Variants in GPER1 observed in about 807,000 individuals in gnomAD.
GPER1 encodes the protein G protein-coupled estrogen receptor 1, also known as G protein-coupled receptor 30.
A neutral mutation model predicts 0.6 loss-of-function variants in GPER1; 2 were observed. The ratio of observed to expected loss-of-function variants is 3.41; its 90% CI spans 1.39 to 10.72. The LOEUF is 10.72. GPER1 is among the 30% of genes most tolerant of loss of function. The pLI is 0.04. For synonymous variants in GPER1, 263 were observed against 247.6 expected, an observed-to-expected ratio of 1.06 and a Z score of -0.58; for missense variants, 441 against 535.2, an observed-to-expected ratio of 0.82 and a Z score of 1.74.
intron 1 of GPER1, 23 bp from the exon 2 acceptor site, chr7:1,091,384 A>G: frequency 8.5e-6 from 2 of 236,634 alleles, no homozygotes; most frequent in Non-Finnish European, 8.2e-6. Context: ...ATGAGACTTC[A>G]TCCTCTCCTG....
At chr7:1,089,189 C>T (rs990147311) in intron 1 of GPER1, among the ~76,000 whole-genome samples, 12 of 152,112 alleles carry the variant, frequency 7.9e-5, no homozygotes, top group Non-Finnish European at 1.6e-4. Context: ...TCAACCTTCC[C>T]GACAGAGCCT....
In GPER1 at chr7:1,091,862, G is replaced by C. The variant is rs748731423; in HGVS notation, c.134G>C (p.Gly45Ala). 4 of 1,613,332 alleles carry C rather than the reference G, an allele frequency of 2.5e-6. No homozygotes were observed. Among genetic ancestry groups the C allele is most frequent in the Admixed American group, 1.7e-5 (1 of 60,026 alleles). Reference protein sequence around the residue: ...HPLLGTALANGTGELSEHQQY... With the variant: ...HPLLGTALANATGELSEHQQY... ...CTCCTGGGCACCGCCCTGGCCAATGGGACAGGTGAGCTCTCGGAGCACCAG... is the reference window on the plus strand; with the variant it reads ...CTCCTGGGCACCGCCCTGGCCAATGCGACAGGTGAGCTCTCGGAGCACCAG... The change falls in exon 2 of 2, where the codon GGG (glycine) becomes GCG (alanine). Residue 45 changes from glycine (G) to alanine (A), a missense_variant. By Grantham distance (60) the Gly-to-Ala change is moderately conservative. Transcript: ENST00000397088.
rs1343664903 is a variant in GPER1, at chr7:1,092,053, G to A, written c.325G>A (p.Val109Met). The A allele has an allele frequency of 6.2e-7, 1 of 1,614,016 alleles. No individual in the cohort carries two copies. The highest frequency in any genetic ancestry group is 8.5e-7 in the Non-Finnish European group (1 of 1,180,000). The change falls in exon 2 of 2, where the codon GTG becomes ATG. Residue 109 changes from valine to methionine, a missense_variant. Transcript: ENST00000397088. ...INLAVADLIL[V>M]ADSLIEVFNL... The stretch of plus-strand genomic sequence containing the variant: ...CCTGGCGGTGGCGGACCTCATCCTG[G>A]TGGCCGACTCCCTCATTGAGGTGTT...
At position 1,091,625 on chromosome 7, in the gene GPER1, T is replaced by C. The variant is rs1253039559; in HGVS notation, c.-104T>C. The C allele has an allele frequency of 6.5e-6, 6 of 916,064 alleles. No homozygotes were observed. The highest frequency in any genetic ancestry group is 1.0e-5 in the Non-Finnish European group (6 of 593,682). 56.7% of individuals were successfully genotyped at this position (916,064 alleles called of 1,614,324 possible). On this transcript the variant is annotated 5_prime_UTR_variant, in exon 2 of 2. Coordinates refer to ENST00000397088, the MANE Select transcript of GPER1 (RefSeq NM_001098201.3). ...GTTTCCTGTCTGACAAATGCCAGGCTCACTTCAAGGAGAATCACGCTTCTT... is the reference window on the plus strand; with the variant it reads ...GTTTCCTGTCTGACAAATGCCAGGCCCACTTCAAGGAGAATCACGCTTCTT...
chr7:1,092,160 C>T lies in GPER1; in HGVS notation c.432C>T (p.Ser144=), dbSNP rs143366301. 1.2e-4 allele frequency: 195 copies of T among 1,613,308 alleles called. No individual in the cohort carries two copies. Among genetic ancestry groups the T allele is most frequent in the Admixed American group, 8.3e-5 (5 of 60,014 alleles). ...SLFLQVNMYS[S]VFFLTWMSFD... is the part of the protein sequence containing the mutation. The stretch of plus-strand genomic sequence containing the variant: ...TCCTGCAGGTCAACATGTACAGCAG[C>T]GTCTTCTTCCTCACCTGGATGAGCT... The change falls in exon 2 of 2, where the codon AGC becomes AGT. Residue 144 remains serine, a synonymous_variant. Transcript: ENST00000397088.
chr7:1,089,344 T>C (rs1787703213), intron 1 of GPER1, among the ~76,000 whole-genome samples: 1 of 152,200 alleles, frequency 6.6e-6, no homozygotes, highest in Non-Finnish European at 1.5e-5. Flanking sequence ...AGGCAGTGAT[T>C]CATCTTGTCT....
chr7:1,089,341 G>C (rs369328281), intron 1 of GPER1, among the ~76,000 whole-genome samples: 9 of 152,206 alleles, frequency 5.9e-5, no homozygotes, highest in South Asian at 2.1e-4. Context: ...CAGAGGCAGT[G>C]ATTCATCTTG....
Position 1,092,226 on chromosome 7 carries a change from C to T in GPER1, c.498C>T (p.Ser166=), listed in dbSNP as rs746854600. Residue 166 remains serine (S), a synonymous_variant, in exon 2 of 2, where the codon AGC becomes AGT. Transcript: ENST00000397088. The stretch of plus-strand genomic sequence containing the variant: ...CCCTGGCCAGGGCCATGCGCTGCAG[C>T]CTGTTCCGCACCAAGCACCACGCCC... ...YIALARAMRC[S]LFRTKHHARL... is the part of the protein sequence containing the mutation. 3 of 1,612,708 alleles carry T rather than the reference C, an allele frequency of 1.9e-6. No individual in the cohort carries two copies. The Admixed American group carries it at 5.0e-5, about 27-fold the overall frequency.
At chr7:1,090,438 G>A (rs1295666496) in intron 1 of GPER1, among the ~76,000 whole-genome samples, 2 of 151,550 alleles carry the variant, frequency 1.3e-5, no homozygotes, top group African/African-American at 4.9e-5. Context: ...GCAGGTGACA[G>A]GACCTCCCCA....
At chr7:1,089,410 G>A (rs898136217) in intron 1 of GPER1, among the ~76,000 whole-genome samples, 6 of 151,584 alleles carry the variant, frequency 4.0e-5, no homozygotes, top group South Asian at 2.1e-4. Context: ...AGGCTCGAGT[G>A]CAGTGGTGTG....
At position 1,091,577 on chromosome 7, in the gene GPER1, A is replaced by G. The variant is rs922209111; in HGVS notation, c.-152A>G. 5 of 679,302 alleles carry G rather than the reference A, an allele frequency of 7.4e-6. No homozygotes were observed. Among genetic ancestry groups the G allele is most frequent in the Non-Finnish European group, 1.0e-5 (4 of 386,928 alleles). 42.1% of individuals were successfully genotyped at this position (679,302 alleles called of 1,614,324 possible). On this transcript the variant is annotated 5_prime_UTR_variant, in exon 2 of 2. Transcript: ENST00000397088. ...GCAGTTAACAAACCCAACCCAAACC[A>G]CCACAGGTGCTCCTCCTGGGGAGTT...
chr7:1,090,115 A>G (rs1163566982), intron 1 of GPER1, among the ~76,000 whole-genome samples: 1 of 152,192 alleles, frequency 6.6e-6, no homozygotes, highest in Non-Finnish European at 1.5e-5. Flanking sequence ...TTCAAAAGGT[A>G]AAATGAAAAT....
rs1299060146 is a variant in GPER1 at position 1,093,057 on chromosome 7, C to T, written c.*201C>T. 4.2e-6 allele frequency: 3 copies of T among 710,278 alleles called. No individual in the cohort carries two copies. The Admixed American group carries it at 6.0e-5, about 14-fold the overall frequency. 44.0% of individuals were successfully genotyped at this position (710,278 alleles called of 1,614,324 possible). A position where few individuals can be genotyped will look rare whatever the true frequency, so the allele number is the denominator to read the frequency against. On this transcript the variant is annotated 3_prime_UTR_variant, in exon 2 of 2. Coordinates refer to ENST00000397088, the MANE Select transcript of GPER1 (RefSeq NM_001098201.3). ...TCACGACTGGTCACCTTGCACTCCTCACACAGAATTGCTACAATCCCAAAG... is the reference window on the plus strand; with the variant it reads ...TCACGACTGGTCACCTTGCACTCCTTACACAGAATTGCTACAATCCCAAAG...
rs1166688145 is a variant in GPER1, at chr7:1,092,876, C to A, written c.*20C>A. The A allele has an allele frequency of 5.6e-6, 9 of 1,605,112 alleles. No homozygotes were observed. Among genetic ancestry groups the A allele is most frequent in the Non-Finnish European group, 6.8e-6 (8 of 1,174,378 alleles). ...GTGTAGACAGCCTTGGCCGCATAGG[C>A]CCAGCCAGGGTGTGACTCGGGAGCT... On this transcript the variant is annotated 3_prime_UTR_variant, in exon 2 of 2. Coordinates refer to ENST00000397088, the MANE Select transcript of GPER1 (RefSeq NM_001098201.3).
chr7:1,092,664 C>T lies in GPER1; in HGVS notation c.936C>T (p.Ala312=), dbSNP rs373485148. 4.8e-5 allele frequency: 77 copies of T among 1,613,104 alleles called. 1 individual carries two copies. The highest frequency in any genetic ancestry group is 3.2e-4 in the South Asian group (29 of 91,082). ...TCACGGGCCACATTGTCAACCTCGC[C>T]GCCTTCTCCAACAGCTGCCTAAACC... ...HPLTGHIVNL[A]AFSNSCLNPL... Residue 312 remains alanine (A), a synonymous_variant, in exon 2 of 2, where the codon GCC becomes GCT. Transcript: ENST00000397088.
In GPER1 at chr7:1,088,923, G is replaced by A. The variant is rs1415633380; in HGVS notation, c.-323+602G>A. Among the ~76,000 whole-genome samples, 2 of 151,984 alleles carry A rather than the reference G, an allele frequency of 1.3e-5. No homozygotes were observed. Among genetic ancestry groups the A allele is most frequent in the Admixed American group, 6.6e-5 (1 of 15,258 alleles). ...CAGACACCAGGTCCCGTATCTTCTC[G>A]GTGTCTGGCAACGATCAAAAGACTC... On this transcript the variant is annotated intron_variant, in intron 1 of 1. Transcript: ENST00000397088. This position sits in a 1 kb window ranked among gnomAD's most constrained non-coding sequence, Gnocchi z 4.5.
At chr7:1,089,944 C>T (rs530702038) in intron 1 of GPER1, among the ~76,000 whole-genome samples, 4 of 151,744 alleles carry the variant, frequency 2.6e-5, no homozygotes, top group Admixed American at 2.0e-4. Flanking sequence ...ATTAGCCAGG[C>T]GTGGTGGTGC....
chr7:1,091,594 T>C lies in GPER1; in HGVS notation c.-135T>C. 1.3e-6 allele frequency: 1 copy of C among 743,516 alleles called. No homozygotes were observed. Among genetic ancestry groups the C allele is most frequent in the Non-Finnish European group, 2.3e-6 (1 of 438,768 alleles). The allele number at this position is 743,516 out of a possible 1,614,324, so 46.1% of individuals were successfully genotyped here. A position where few individuals can be genotyped will look rare whatever the true frequency, so the allele number is the denominator to read the frequency against. ...CCCAAACCACCACAGGTGCTCCTCC[T>C]GGGGAGTTTCCTGTCTGACAAATGC... On this transcript the variant is annotated 5_prime_UTR_variant, in exon 2 of 2. Transcript: ENST00000397088.
In GPER1 at chr7:1,092,769, C is replaced by T; in HGVS notation, c.1041C>T (p.Ala347=). The change falls in exon 2 of 2, where the codon GCC becomes GCT. Residue 347 remains alanine (A), a synonymous_variant. Transcript: ENST00000397088. The part of the protein sequence containing the change: ...LYIEQKTNLP[A]LNRFCHAALK... Reference sequence around the variant, plus strand: ...TTGAGCAGAAAACAAATTTGCCGGCCCTGAACCGCTTCTGTCACGCTGCCC... The same window carrying T: ...TTGAGCAGAAAACAAATTTGCCGGCTCTGAACCGCTTCTGTCACGCTGCCC... The T allele has an allele frequency of 6.2e-7, 1 of 1,613,668 alleles. No individual in the cohort carries two copies. The highest frequency in any genetic ancestry group is 8.5e-7 in the Non-Finnish European group (1 of 1,180,014).
Sources: gnomAD v4.1 joint callset for allele counts (sites outside exome capture counted in the v4.1 genomes callset) on GRCh38, gnomAD v4.1.1 for gene constraint, Gnocchi (gnomAD v3.1) non-coding constraint, MANE v1.5 for transcripts, NCBI Gene and HGNC (gene_info 2026-07-23, HGNC 2026-07-21) for gene names.